Variants in CCDC138 observed in about 807,000 individuals in gnomAD.
The protein encoded by CCDC138 is coiled-coil domain-containing protein 138.
CCDC138 carries 66 observed loss-of-function variants against 82.3 expected under a neutral mutation model. That is an observed-to-expected ratio of 0.80 (90% CI 0.66 to 0.98). The LOEUF (loss-of-function observed/expected upper bound fraction) is 0.98. Ranked by LOEUF, CCDC138 falls within the 50% of genes least tolerant of loss-of-function variation. CCDC138 has a pLI of 0.00. For missense variants in CCDC138, 816 were observed against 758.9 expected, an observed-to-expected ratio of 1.08 and a Z score of -0.88; for synonymous variants, 297 against 265.4, an observed-to-expected ratio of 1.12 and a Z score of -1.16.
intron 11 of CCDC138, among the ~76,000 whole-genome samples, chr2:108,845,090 AG>A (rs1234470772): frequency 2.0e-5 from 3 of 152,016 alleles, no homozygotes; most frequent in Non-Finnish European, 4.4e-5. Context: ...AAAGTGTAGT[AG>A]TAAAGCATTA....
At chr2:108,823,044 A>G (rs548132577) in intron 10 of CCDC138, among the ~76,000 whole-genome samples, 11 of 152,344 alleles carry the variant, frequency 7.2e-5, no homozygotes, top group Non-Finnish European at 1.6e-4. Context: ...ATAGCATCAC[A>G]TAGAAGAAAT....
At chr2:108,808,834 T>C (rs1683285986) in intron 7 of CCDC138, among the ~76,000 whole-genome samples, 1 of 152,154 alleles carries the variant, frequency 6.6e-6, no homozygotes, top group African/African-American at 2.4e-5. Context: ...CCAATCTCAT[T>C]TGTCTGTTTT....
In CCDC138 at chr2:108,873,587, C is replaced by G. The variant is rs768842697; in HGVS notation, c.1830C>G (p.Ile610Met). ...LSIILQKLSK[I>M]KSNKKLFELF... Reference sequence around the variant, plus strand: ...TTATTTTACAGAAACTTTCCAAAATCAAGTAAGAATTTCTTATTTCTAACA... The same window carrying G: ...TTATTTTACAGAAACTTTCCAAAATGAAGTAAGAATTTCTTATTTCTAACA... The change falls in exon 14 of 15, where the codon ATC becomes ATG. Residue 610 changes from isoleucine to methionine, a missense_variant and splice_region_variant. Ile to Met is a conservative substitution (Grantham distance 10). Transcript: ENST00000295124. The G allele has an allele frequency of 1.3e-6, 2 of 1,574,438 alleles. No homozygotes were observed. The highest frequency in any genetic ancestry group is 4.5e-5 in the East Asian group (2 of 44,590).
chr2:108,882,841 A>G (rs1195605406), intron 2 of CCDC138: 2 of 152,242 alleles, frequency 1.3e-5, no homozygotes, highest in African/African-American at 4.8e-5. Context: ...AACTGTGTGC[A>G]GATCTGGGAC....
intron 4 of CCDC138, among the ~76,000 whole-genome samples, chr2:108,793,312 G>A (rs993244877): frequency 2.3e-4 from 35 of 151,986 alleles, no homozygotes; most frequent in African/African-American, 8.2e-4. Context: ...CAGCCTGGGC[G>A]ACAGAGTGAG....
rs1260717329 is a variant in CCDC138, at chr2:108,786,801, A to G, written c.-22A>G. On this transcript the variant is annotated 5_prime_UTR_variant, in exon 1 of 15. Coordinates refer to ENST00000295124, the MANE Select transcript of CCDC138 (RefSeq NM_144978.3). ...TTTGATGAACGCGGTTCCCGGGGAG[A>G]CTGGTACGGTTGCTGTGTGCTATGG... 7 of 1,571,816 alleles carry G rather than the reference A, an allele frequency of 4.5e-6. No individual in the cohort carries two copies. Among genetic ancestry groups the G allele is most frequent in the Non-Finnish European group, 5.2e-6 (6 of 1,158,090 alleles).
chr2:108,810,174 A>G (rs1377525443), intron 7 of CCDC138, among the ~76,000 whole-genome samples: 1 of 152,184 alleles, frequency 6.6e-6, no homozygotes, highest in Non-Finnish European at 1.5e-5. Flanking sequence ...TACTTCTAGT[A>G]CCATGTTCAA....
chr2:108,846,827 G>A lies in CCDC138; in HGVS notation c.1413G>A (p.Gln471=). ...VTKGIQDNSP[Q]HSVENKPKTA... is the part of the protein sequence containing the mutation. ...AAGGAATTCAGGATAATTCTCCACA[G>A]CATTCTGTGGAGAATAAACCAAAGA... Residue 471 remains glutamine (Q), a synonymous_variant, in exon 12 of 15, where the codon CAG becomes CAA. Transcript: ENST00000295124. 6.2e-7 allele frequency: 1 copy of A among 1,613,126 alleles called. No individual in the cohort carries two copies. Among genetic ancestry groups the A allele is most frequent in the Non-Finnish European group, 8.5e-7 (1 of 1,179,376 alleles).
At chr2:108,810,405 G>A (rs748395158) in intron 7 of CCDC138, among the ~76,000 whole-genome samples, 1 of 152,110 alleles carries the variant, frequency 6.6e-6, no homozygotes, top group Non-Finnish European at 1.5e-5. Flanking sequence ...TGAAATGATC[G>A]TAAGGTAATT....
At chr2:108,823,777 C>G (rs7578825) in intron 10 of CCDC138, among the ~76,000 whole-genome samples, 1 of 151,956 alleles carries the variant, frequency 6.6e-6, no homozygotes, top group Non-Finnish European at 1.5e-5. Flanking sequence ...GTCAGGAGTT[C>G]GAGACCAGCC....
intron 4 of CCDC138, 103 bp downstream of exon 4, chr2:108,791,905 T>C: frequency 8.4e-7 from 1 of 1,187,006 alleles, no homozygotes; most frequent in Non-Finnish European, 1.1e-6. Context: ...AGAGTTTGCA[T>C]ATTTCTGTGT....
intron 10 of CCDC138, among the ~76,000 whole-genome samples, chr2:108,829,050 A>G (rs1457163403): frequency 6.6e-6 from 1 of 152,196 alleles, no homozygotes; most frequent in Admixed American, 6.5e-5. Flanking sequence ...AACTCTTAGA[A>G]GAAGACACAG....
intron 12 of CCDC138, among the ~76,000 whole-genome samples, chr2:108,853,409 T>C (rs952398787): frequency 1.3e-5 from 2 of 152,128 alleles, no homozygotes; most frequent in Non-Finnish European, 2.9e-5. Context: ...GATACAGAAA[T>C]CTATGTGTAT....
At chr2:108,882,206 TATAATAAC>T (rs946464202) in intron 1 of CCDC138, 1 of 150,356 alleles carries the variant, frequency 6.7e-6, no homozygotes. Flanking sequence ...CCATGACAGA[TATAATAAC>T]ATAATAGTAA....
intron 5 of CCDC138, among the ~76,000 whole-genome samples, 187 bp downstream of exon 5, chr2:108,794,908 A>G (rs185293040): frequency 2.0e-5 from 3 of 152,330 alleles, no homozygotes; most frequent in East Asian, 3.9e-4. Context: ...CTGAGAGAAA[A>G]TAGAGACAGT....
downstream of CCDC138, among the ~76,000 whole-genome samples, chr2:108,877,206 G>A (rs1344508649): frequency 1.3e-5 from 2 of 152,050 alleles, no homozygotes; most frequent in African/African-American, 4.8e-5. Flanking sequence ...GGTGGCTTAC[G>A]CCTGTAATCC....
rs769680104 is a variant in CCDC138 at position 108,873,549 on chromosome 2, G to GA, written c.1797dup (p.Leu600ThrfsTer14). On this transcript the variant is annotated frameshift_variant, in exon 14 of 15. Transcript: ENST00000295124. LOFTEE classifies it high-confidence loss of function. ...CCCTAAGCTTGATCTTCAAATACTAGAAAAACTCAGTATTATTTTACAGAA... is the reference window on the plus strand; with the variant it reads ...CCCTAAGCTTGATCTTCAAATACTAGAAAAAACTCAGTATTATTTTACAGAA... 10 of 1,610,490 alleles carry GA rather than the reference G, an allele frequency of 6.2e-6. No homozygotes were observed. The South Asian group carries it at 8.9e-5, about 14-fold the overall frequency.
At chr2:108,827,442 T>C (rs1686800724) in intron 10 of CCDC138, among the ~76,000 whole-genome samples, 1 of 152,194 alleles carries the variant, frequency 6.6e-6, no homozygotes, top group African/African-American at 2.4e-5. Flanking sequence ...AATTGGATAA[T>C]CAAGGGATTT....
At chr2:108,883,874 G>A (rs568888742) in intron 2 of CCDC138, 1 of 152,304 alleles carries the variant, frequency 6.6e-6, no homozygotes, top group African/African-American at 2.4e-5. Flanking sequence ...TTTCTTTCAG[G>A]AGCAGGACTG....
Sources: allele counts gnomAD v4.1 joint callset (sites outside exome capture counted in the v4.1 genomes callset), GRCh38; gene constraint gnomAD v4.1.1; transcripts MANE v1.5; gene names NCBI Gene and HGNC (gene_info 2026-07-23, HGNC 2026-07-21).